Variants in STOML3 observed in about 807,000 individuals in gnomAD.
The protein encoded by STOML3 is stomatin like 3.
A neutral mutation model predicts 29.5 loss-of-function variants in STOML3; 31 were observed. The observed-to-expected ratio is 1.05, with a 90% confidence interval of 0.79 to 1.42. STOML3 has a LOEUF of 1.42. STOML3 is among the 40% of genes most tolerant of loss of function. The pLI is 0.00. For synonymous variants in STOML3, 122 were observed against 139.8 expected, an observed-to-expected ratio of 0.87 and a Z score of 0.90; for missense variants, 380 against 363.0, an observed-to-expected ratio of 1.05 and a Z score of -0.38.
chr13:38,971,106 C>T (rs1263926649), intron 4 of STOML3, among the ~76,000 whole-genome samples: 1 of 152,012 alleles, frequency 6.6e-6, no homozygotes, highest in Non-Finnish European at 1.5e-5. Context: ...AATCTCTGCT[C>T]ACTGCAACCT....
chr13:38,987,684 A>T (rs1401030108), intron 1 of STOML3, among the ~76,000 whole-genome samples: 3 of 137,798 alleles, frequency 2.2e-5, no homozygotes, highest in East Asian at 4.0e-4. Context: ...TATATATTAT[A>T]TATACTAATT....
chr13:38,978,337 A>G (rs914442369), intron 1 of STOML3, among the ~76,000 whole-genome samples: 2 of 151,882 alleles, frequency 1.3e-5, no homozygotes, highest in Non-Finnish European at 2.9e-5. Flanking sequence ...TATTTTTAGT[A>G]GAGACGGGGT....
intron 4 of STOML3, among the ~76,000 whole-genome samples, chr13:38,971,720 C>A (rs900549908): frequency 6.6e-6 from 1 of 151,986 alleles, no homozygotes; most frequent in Non-Finnish European, 1.5e-5. Context: ...GTCAGGAGTT[C>A]GAGAGACCAG....
chr13:38,989,909 C>T (rs1034315788), intron 1 of STOML3, among the ~76,000 whole-genome samples: 69 of 151,958 alleles, frequency 4.5e-4, no homozygotes, highest in African/African-American at 1.5e-3. Context: ...CATACACACA[C>T]GCACACTCAC....
chr13:38,988,605 A>T (rs1324310292), intron 1 of STOML3, among the ~76,000 whole-genome samples: 2 of 120,364 alleles, frequency 1.7e-5, no homozygotes, highest in Admixed American at 1.0e-4. Context: ...TATATTATAT[A>T]TCATATATTT....
intron 4 of STOML3, among the ~76,000 whole-genome samples, chr13:38,971,561 A>G (rs1880868689): frequency 6.6e-6 from 1 of 151,994 alleles, no homozygotes; most frequent in Admixed American, 6.5e-5. Flanking sequence ...ATAATTGGTA[A>G]CTCTATTCCT....
chr13:38,988,074 CAT>C (rs1868704219), intron 1 of STOML3, among the ~76,000 whole-genome samples: 2 of 97,862 alleles, frequency 2.0e-5, no homozygotes, highest in East Asian at 7.4e-4. Flanking sequence ...TATTTTATAT[CAT>C]ATATTTTATA....
At chr13:38,968,271 T>C in intron 6 of STOML3, 129 bp downstream of exon 6, 1 of 1,364,102 alleles carries the variant, frequency 7.3e-7, no homozygotes, top group Non-Finnish European at 9.8e-7. Context: ...AAATTCTCAG[T>C]AAAACTGTGA....
At position 38,968,451 on chromosome 13, in the gene STOML3, C is replaced by T. The variant is rs1880740021; in HGVS notation, c.600G>A (p.Leu200=). 1.9e-6 allele frequency: 3 copies of T among 1,614,056 alleles called. No homozygotes were observed. The highest frequency in any genetic ancestry group is 1.7e-6 in the Non-Finnish European group (2 of 1,180,040). The change falls in exon 6 of 7, where the codon TTG becomes TTA. Residue 200 remains leucine (L), a synonymous_variant. Coordinates refer to ENST00000379631, the MANE Select transcript of STOML3 (RefSeq NM_145286.3). ...EIKDVRIPVQ[L]QRSMAAEAEA... is the part of the protein sequence containing the mutation. ...CAGCCTCGGCTGCCATGGATCTCTG[C>T]AACTGCACGGGAATCCGAACATCTT...
At position 38,976,547 on chromosome 13, in the gene STOML3, C is replaced by G; in HGVS notation, c.222G>C (p.Lys74Asn). Reference protein sequence around the residue: ...RLGRIQADKAKGPGLILVLPC... With the variant: ...RLGRIQADKANGPGLILVLPC... ...CCACCGCGTCATTCATACCTGGCCC[C>G]TTGGCTTTGTCAGCTTGGATGCGTC... Residue 74 changes from lysine to asparagine, a missense_variant, in exon 3 of 7, where the codon AAG becomes AAC. Physicochemically the swap from Lys to Asn is moderately conservative, Grantham distance 94. Coordinates refer to ENST00000379631, the MANE Select transcript of STOML3 (RefSeq NM_145286.3). The G allele has an allele frequency of 6.2e-7, 1 of 1,614,160 alleles. No individual in the cohort carries two copies. The highest frequency in any genetic ancestry group is 8.5e-7 in the Non-Finnish European group (1 of 1,180,034).
chr13:38,966,814 G>A lies in STOML3; in HGVS notation c.*11C>T, dbSNP rs369471573. 15 of 1,609,350 alleles carry A rather than the reference G, an allele frequency of 9.3e-6. No homozygotes were observed. The East Asian group carries it at 1.3e-4, about 14-fold the overall frequency. On this transcript the variant is annotated 3_prime_UTR_variant, in exon 7 of 7. Transcript: ENST00000379631. ...ACTCTCTATGCAATAGCTGACTACCGCAAGAGGACCTCAGGCTTTATTTGG... is the reference window on the plus strand; with the variant it reads ...ACTCTCTATGCAATAGCTGACTACCACAAGAGGACCTCAGGCTTTATTTGG...
chr13:38,975,324 A>C (rs991144713), intron 3 of STOML3, among the ~76,000 whole-genome samples: 142 of 150,140 alleles, frequency 9.5e-4, no homozygotes, highest in Non-Finnish European at 1.7e-3. Flanking sequence ...CTGTCTCAGA[A>C]AAAAAAAAAG....
chr13:38,986,911 T>G (rs2138027254), intron 1 of STOML3, among the ~76,000 whole-genome samples: 1 of 152,166 alleles, frequency 6.6e-6, no homozygotes, highest in South Asian at 2.1e-4. Flanking sequence ...TTTAAGGAGC[T>G]CCCCAGGAAG....
In STOML3 at chr13:38,988,268, A is replaced by ATT. The variant is rs1266946303; in HGVS notation, c.52+2400_52+2401dup. Among the ~76,000 whole-genome samples the ATT allele has an allele frequency of 4.8e-5, 4 of 83,402 alleles. 1 individual carries two copies. The highest frequency in any genetic ancestry group is 3.7e-4 in the East Asian group (1 of 2,730). 54.7% of individuals were successfully genotyped at this position (83,402 alleles called of 152,430 possible). On this transcript the variant is annotated intron_variant, in intron 1 of 6. Coordinates refer to ENST00000379631, the MANE Select transcript of STOML3 (RefSeq NM_145286.3). Reference sequence around the variant, plus strand: ...TAATATATTATATTTTATATCATATATTATATATAAAATATATTATATTTT... The same window carrying ATT: ...TAATATATTATATTTTATATCATATATTTTATATATAAAATATATTATATTTT...
At position 38,972,575 on chromosome 13, in the gene STOML3, T is replaced by G. The variant is rs746868327; in HGVS notation, c.249A>C (p.Pro83=). 6.8e-6 allele frequency: 11 copies of G among 1,614,056 alleles called. No individual in the cohort carries two copies. The East Asian group carries it at 2.5e-4, about 36-fold the overall frequency. ...CAACTTTGACAAACACATCTATGCA[T>G]GGCAGGACCAGGATCAAACCTATGA... ...AKGPGLILVL[P]CIDVFVKVDL... Residue 83 remains proline (P), a synonymous_variant, in exon 4 of 7, where the codon CCA becomes CCC. Coordinates refer to ENST00000379631, the MANE Select transcript of STOML3 (RefSeq NM_145286.3).
chr13:38,967,702 T>G (rs1022115874), intron 6 of STOML3, among the ~76,000 whole-genome samples: 1 of 152,192 alleles, frequency 6.6e-6, no homozygotes, highest in Non-Finnish European at 1.5e-5. Flanking sequence ...TGGAAGCTGC[T>G]GGAGCTTAGC....
chr13:38,971,060 T>A (rs1432749643), intron 4 of STOML3, among the ~76,000 whole-genome samples: 1 of 151,304 alleles, frequency 6.6e-6, no homozygotes, highest in Non-Finnish European at 1.5e-5. Flanking sequence ...TGAGATGGAG[T>A]TTGGCTCCGT....
intron 5 of STOML3, among the ~76,000 whole-genome samples, chr13:38,969,257 C>G (rs1236936260): frequency 3.3e-5 from 5 of 152,128 alleles, no homozygotes; most frequent in African/African-American, 9.7e-5. Context: ...GCTGGTCATC[C>G]TGGAGAAGAT....
At chr13:38,985,163 C>T (rs778312345) in intron 1 of STOML3, among the ~76,000 whole-genome samples, 1 of 152,168 alleles carries the variant, frequency 6.6e-6, no homozygotes, top group Non-Finnish European at 1.5e-5. Context: ...GTGGCTCATG[C>T]CTGTAATCCC....
Sources: gnomAD v4.1 joint callset for allele counts (sites outside exome capture counted in the v4.1 genomes callset) on GRCh38, gnomAD v4.1.1 for gene constraint, MANE v1.5 for transcripts, NCBI Gene and HGNC (gene_info 2026-07-23, HGNC 2026-07-21) for gene names.